FBLN7: variants seen among roughly 807,000 people sequenced by gnomAD.
FBLN7 encodes the protein fibulin-7.
Under a neutral mutation model 44.0 loss-of-function variants are expected in FBLN7, and 31 were observed. That is an observed-to-expected ratio of 0.70 (90% CI 0.53 to 0.95). The LOEUF is 0.95. FBLN7 is among the 40% of genes least tolerant of loss of function. The pLI, the probability that FBLN7 is intolerant of heterozygous loss-of-function variation, is 0.00. For synonymous variants in FBLN7, 262 were observed against 253.4 expected (o/e 1.03, Z -0.32); for missense variants, 573 against 618.5 (o/e 0.93, Z 0.78).
the FBLN7 span, among the ~76,000 whole-genome samples, chr2:112,204,136 AC>A: frequency 6.6e-6 from 1 of 152,174 alleles, no homozygotes; most frequent in Non-Finnish European, 1.5e-5. Context: ...TTTTAAAAAA[AC>A]AAATAGAAAT....
At chr2:112,231,889 G>A in the FBLN7 span, 1 of 1,591,994 alleles carries the variant, frequency 6.3e-7, no homozygotes, top group East Asian at 2.3e-5. Context: ...GAGAAAACTT[G>A]CAGTATTCTC....
At chr2:112,198,579 G>A in the FBLN7 span, among the ~76,000 whole-genome samples, 2 of 152,040 alleles carry the variant, frequency 1.3e-5, no homozygotes, top group Non-Finnish European at 2.9e-5. Context: ...AGAGGTTGCA[G>A]TGAGCCGAGA....
chr2:112,185,424 G>T, intron 7 of FBLN7, 85 bp downstream of exon 7: 2 of 1,526,000 alleles, frequency 1.3e-6, no homozygotes, highest in South Asian at 1.2e-5. Flanking sequence ...CTTGGGAGAA[G>T]GTACAGTTAT....
chr2:112,232,121 C>T, the FBLN7 span, among the ~76,000 whole-genome samples: 1 of 152,020 alleles, frequency 6.6e-6, no homozygotes, highest in Non-Finnish European at 1.5e-5. Context: ...ACCAACCTAG[C>T]CAACATGGCG....
the FBLN7 span, among the ~76,000 whole-genome samples, chr2:112,226,603 AAAG>A: frequency 6.6e-6 from 1 of 151,226 alleles, no homozygotes; most frequent in Non-Finnish European, 1.5e-5. Flanking sequence ...AAAAAAAAAA[AAAG>A]CTCAGGCCCA....
chr2:112,189,429 A>G (rs1683410625), downstream of FBLN7: 1 of 152,298 alleles, frequency 6.6e-6, no homozygotes, highest in Admixed American at 6.6e-5. Flanking sequence ...GATGTGGATG[A>G]TGGGTCTTTT....
At chr2:112,239,836 C>T in the FBLN7 span, among the ~76,000 whole-genome samples, 8 of 152,290 alleles carry the variant, frequency 5.3e-5, no homozygotes, top group South Asian at 2.1e-4. Flanking sequence ...CCGCCTGCCT[C>T]GGCCTCCCAA....
chr2:112,150,752 G>A (rs756769841), intron 1 of FBLN7, among the ~76,000 whole-genome samples: 1 of 152,052 alleles, frequency 6.6e-6, no homozygotes, highest in Admixed American at 6.6e-5. Context: ...CATCTCATGG[G>A]GTCATAGTTG....
the FBLN7 span, among the ~76,000 whole-genome samples, chr2:112,223,107 C>T: frequency 6.6e-6 from 1 of 150,854 alleles, no homozygotes; most frequent in Non-Finnish European, 1.5e-5. Context: ...TGGGGCCTGT[C>T]GTGGGGTGGG....
At chr2:112,232,543 C>A in the FBLN7 span, among the ~76,000 whole-genome samples, 1 of 151,992 alleles carries the variant, frequency 6.6e-6, no homozygotes, top group Admixed American at 6.6e-5. Flanking sequence ...ATTTTAAATA[C>A]CTTGATAAAT....
chr2:112,198,394 T>C, the FBLN7 span, among the ~76,000 whole-genome samples: 2 of 152,070 alleles, frequency 1.3e-5, no homozygotes, highest in Admixed American at 6.6e-5. Flanking sequence ...CCCAGCACTT[T>C]GGGAGGCCAA....
Position 112,182,935 on chromosome 2 carries a change from G to A in FBLN7, c.808+7G>A, listed in dbSNP as rs1683078243. 6.2e-7 allele frequency: 1 copy of A among 1,611,282 alleles called. No individual in the cohort carries two copies. Among genetic ancestry groups the A allele is most frequent in the East Asian group, 2.2e-5 (1 of 44,852 alleles). Reference sequence around the variant, plus strand: ...GACGGGAAGAGCTGTGAGGGTGAGTGAGGCTACAGAGTGTCGTCTGCACCC... The same window carrying A: ...GACGGGAAGAGCTGTGAGGGTGAGTAAGGCTACAGAGTGTCGTCTGCACCC... On this transcript the variant is annotated splice_region_variant and intron_variant, in intron 6 of 7. Transcript: ENST00000331203.
the FBLN7 span, chr2:112,233,233 G>GAA: frequency 7.0e-7 from 1 of 1,435,144 alleles, no homozygotes; most frequent in Non-Finnish European, 9.5e-7. Context: ...TATTTATAAA[G>GAA]TCACCATATC....
chr2:112,189,128 G>A (rs1476290062), downstream of FBLN7: 2 of 152,258 alleles, frequency 1.3e-5, no homozygotes, highest in African/African-American at 4.8e-5. Context: ...GATATATTGA[G>A]ATATGATGTG....
chr2:112,187,389 C>A lies in FBLN7; in HGVS notation c.1203C>A (p.Asn401Lys). 2 of 1,614,134 alleles carry A rather than the reference C, an allele frequency of 1.2e-6. No individual in the cohort carries two copies. Among genetic ancestry groups the A allele is most frequent in the South Asian group, 1.1e-5 (1 of 91,082 alleles). The change falls in exon 8 of 8, where the codon AAC becomes AAA. Residue 401 changes from asparagine to lysine, a missense_variant. Coordinates refer to ENST00000331203, the MANE Select transcript of FBLN7 (RefSeq NM_153214.3). The surrounding 1 kb of genome is among the most constrained non-coding windows in gnomAD (Gnocchi z 5.1). ...RQTGDLILVQ[N>K]LEGPQTLEVD... ...CTGGGGATCTGATCCTTGTGCAGAACCTGGAGGGGCCTCAGACGCTGGAGG... is the reference window on the plus strand; with the variant it reads ...CTGGGGATCTGATCCTTGTGCAGAAACTGGAGGGGCCTCAGACGCTGGAGG...
chr2:112,221,309 C>T, the FBLN7 span, among the ~76,000 whole-genome samples: 1 of 152,052 alleles, frequency 6.6e-6, no homozygotes, highest in Non-Finnish European at 1.5e-5. Flanking sequence ...TGAGTGAATG[C>T]TCATAAGATA....
At chr2:112,213,781 A>G in the FBLN7 span, 1 of 125,588 alleles carries the variant, frequency 8.0e-6, no homozygotes. Flanking sequence ...GTCTCAAAAA[A>G]AAAAAAAAAA....
chr2:112,195,000 G>A, the FBLN7 span, among the ~76,000 whole-genome samples: 5 of 152,208 alleles, frequency 3.3e-5, no homozygotes, highest in African/African-American at 1.2e-4. Context: ...ATCACTGGAA[G>A]AGTCAAGACC....
chr2:112,175,928 G>A, intron 4 of FBLN7, 89 bp downstream of exon 4: 2 of 1,493,592 alleles, frequency 1.3e-6, no homozygotes, highest in South Asian at 1.3e-5. Context: ...AGACATGTAG[G>A]GAGCTCAGTC....
Sources: allele counts gnomAD v4.1 joint callset (sites outside exome capture counted in the v4.1 genomes callset), GRCh38; gene constraint gnomAD v4.1.1; non-coding constraint Gnocchi (gnomAD v3.1); transcripts MANE v1.5; gene names NCBI Gene and HGNC (gene_info 2026-07-23, HGNC 2026-07-21).